The following NHEJ1 variants were observed in gnomAD, a reference collection of about 807,000 sequenced individuals.
NHEJ1 encodes the protein non-homologous end-joining factor 1.
A neutral mutation model predicts 39.4 loss-of-function variants in NHEJ1; 22 were observed. The observed-to-expected ratio is 0.56, with a 90% CI of 0.40 to 0.80. The LOEUF (loss-of-function observed/expected upper bound fraction) is 0.80. Ranked by LOEUF, NHEJ1 falls within the 30% of genes least tolerant of loss-of-function variation. The pLI is 0.00. For missense variants in NHEJ1, 329 were observed against 357.1 expected, an observed-to-expected ratio of 0.92 and a Z score of 0.63; for synonymous variants, 154 against 135.6, an observed-to-expected ratio of 1.14 and a Z score of -0.94.
chr2:219,080,620 T>C (rs1949055715), intron 5 of NHEJ1, among the ~76,000 whole-genome samples: 2 of 119,122 alleles, frequency 1.7e-5, no homozygotes, highest in African/African-American at 3.2e-5. Flanking sequence ...TAAGCTTATA[T>C]ATATGCTAAT....
rs78661802 is a variant in NHEJ1 at position 219,113,742 on chromosome 2, C to A, written c.588+32938G>T. The stretch of plus-strand genomic sequence containing the variant: ...GGCCTTACCTGTATGAGCCTAAGAT[C>A]CTTGGCAAACCTATTAAGCTACAGC... On this transcript the variant is annotated intron_variant, in intron 5 of 7. Transcript: ENST00000356853. 5.6e-4 allele frequency among the ~76,000 whole-genome samples: 85 copies of A among 152,266 alleles called. No individual in the cohort carries two copies. In the East Asian group the frequency reaches 0.015, roughly 27 times the overall value.
Position 219,078,137 on chromosome 2 carries a change from C to A in NHEJ1, c.658G>T (p.Ala220Ser). ...ACTTGGACCTCTTGTGTGGTGACTG[C>A]CATATACAGATCCTGCAGATTCATG... ...FVMNLQDLYM[A>S]VTTQEVQVGQ... Residue 220 changes from alanine (A) to serine (S), a missense_variant, in exon 6 of 8, where the codon GCA (alanine) becomes TCA (serine). Physicochemically the swap from Ala to Ser is moderately conservative, Grantham distance 99. Transcript: ENST00000356853. 6.2e-7 allele frequency: 1 copy of A among 1,614,164 alleles called. No individual in the cohort carries two copies. The highest frequency in any genetic ancestry group is 8.5e-7 in the Non-Finnish European group (1 of 1,180,028).
intron 3 of NHEJ1, 113 bp from the exon 4 acceptor site, chr2:219,147,908 G>T: frequency 1.9e-6 from 2 of 1,059,648 alleles, no homozygotes; most frequent in African/African-American, 1.6e-5. Flanking sequence ...GAAACTTATA[G>T]TTTCATAGGC....
rs1232394303 is a variant in NHEJ1, at chr2:219,120,612, T to A, written c.588+26068A>T. On this transcript the variant is annotated intron_variant, in intron 5 of 7. Coordinates refer to ENST00000356853, the MANE Select transcript of NHEJ1 (RefSeq NM_024782.3). Reference sequence around the variant, plus strand: ...TTCCTCAGACCTCAAGATTTACAGGTCTTTGTAGAAAGAATGAAGAAGAGG... The same window carrying A: ...TTCCTCAGACCTCAAGATTTACAGGACTTTGTAGAAAGAATGAAGAAGAGG... Among the ~76,000 whole-genome samples the A allele has an allele frequency of 2.0e-5, 3 of 152,126 alleles. No individual in the cohort carries two copies. In the East Asian group the frequency reaches 5.8e-4, roughly 29 times the overall value.
chr2:219,108,779 T>C (rs1320952168), intron 5 of NHEJ1, among the ~76,000 whole-genome samples: 1 of 152,118 alleles, frequency 6.6e-6, no homozygotes, highest in African/African-American at 2.4e-5. Flanking sequence ...GACCCTTTTT[T>C]GGCATATGAG....
chr2:219,078,191 A>G lies in NHEJ1; in HGVS notation c.604T>C (p.Cys202Arg). The change falls in exon 6 of 8, where the codon TGC (cysteine) becomes CGC (arginine). Residue 202 changes from cysteine (C) to arginine (R), a missense_variant. Cys to Arg is a radical substitution (Grantham distance 180). Coordinates refer to ENST00000356853, the MANE Select transcript of NHEJ1 (RefSeq NM_024782.3). ...QFMIEKLPEACSIGDGKPFVM... is the reference protein window; with the variant it reads ...QFMIEKLPEARSIGDGKPFVM... ...AAGGGCTTTCCATCACCAATGCTGC[A>G]TGCCTCTGGCAGTTTCTGTAAGAGA... 2 of 1,614,072 alleles carry G rather than the reference A, an allele frequency of 1.2e-6. No homozygotes were observed. Among genetic ancestry groups the G allele is most frequent in the Non-Finnish European group, 1.7e-6 (2 of 1,179,954 alleles).
At chr2:219,134,280 A>T (rs1949604618) in intron 5 of NHEJ1, among the ~76,000 whole-genome samples, 1 of 152,270 alleles carries the variant, frequency 6.6e-6, no homozygotes, top group Non-Finnish European at 1.5e-5. Flanking sequence ...TGGGTAAATC[A>T]ACGGGATGGC....
chr2:219,130,211 A>C (rs1282500758), intron 5 of NHEJ1, among the ~76,000 whole-genome samples: 1 of 152,122 alleles, frequency 6.6e-6, no homozygotes, highest in Non-Finnish European at 1.5e-5. Context: ...CTCACTTTTT[A>C]TATCTAGAGA....
intron 5 of NHEJ1, among the ~76,000 whole-genome samples, chr2:219,105,944 A>G (rs1266451335): frequency 1.3e-5 from 2 of 152,222 alleles, no homozygotes; most frequent in Non-Finnish European, 2.9e-5. Flanking sequence ...TTTCAGTTTC[A>G]GTTTTCCTTG....
chr2:219,126,688 A>G (rs1016635434), intron 5 of NHEJ1, among the ~76,000 whole-genome samples: 1 of 152,032 alleles, frequency 6.6e-6, no homozygotes, highest in Non-Finnish European at 1.5e-5. Flanking sequence ...ACCAGTAATT[A>G]TAGTACAGTG....
chr2:219,120,620 G>A (rs1949462415), intron 5 of NHEJ1, among the ~76,000 whole-genome samples: 1 of 152,172 alleles, frequency 6.6e-6, no homozygotes, highest in Non-Finnish European at 1.5e-5. Context: ...GGTCTTTGTA[G>A]AAAGAATGAA....
At chr2:219,107,298 G>A (rs1225358081) in intron 5 of NHEJ1, among the ~76,000 whole-genome samples, 1 of 152,102 alleles carries the variant, frequency 6.6e-6, no homozygotes, top group African/African-American at 2.4e-5. Context: ...AATAGAAATC[G>A]ATTGATTGAA....
chr2:219,082,211 C>A (rs1463870739), intron 5 of NHEJ1, among the ~76,000 whole-genome samples: 2 of 152,242 alleles, frequency 1.3e-5, no homozygotes, highest in Non-Finnish European at 2.9e-5. Flanking sequence ...ATTACTCTCC[C>A]ATCTCCAATG....
chr2:219,073,103 T>C lies in NHEJ1; in HGVS notation c.*3278A>G, dbSNP rs1321175533. The stretch of plus-strand genomic sequence containing the variant: ...CAGTAGGGCTGAGTATCAAGAGATG[T>C]GAGCATCTCTCCTTCCCCCAGTGCT... On this transcript the variant is annotated 3_prime_UTR_variant, in exon 8 of 8. Transcript: ENST00000356853. 2.0e-5 allele frequency among the ~76,000 whole-genome samples: 3 copies of C among 152,166 alleles called. No individual in the cohort carries two copies. Among genetic ancestry groups the C allele is most frequent in the African/African-American group, 7.2e-5 (3 of 41,444 alleles).
At chr2:219,097,204 T>C (rs1395190659) in intron 5 of NHEJ1, among the ~76,000 whole-genome samples, 3 of 152,226 alleles carry the variant, frequency 2.0e-5, no homozygotes, top group South Asian at 4.1e-4. Flanking sequence ...TTTCAACTTA[T>C]GATATTTTAA....
intron 1 of NHEJ1, among the ~76,000 whole-genome samples, chr2:219,159,590 T>TATATATGCATATATATGC (rs1559206421): frequency 2.9e-5 from 3 of 102,204 alleles, no homozygotes; most frequent in Non-Finnish European, 6.1e-5. Flanking sequence ...TATATATGCA[T>TATATATGCATATATATGC]ATATATATAT....
At chr2:219,090,668 T>C (rs1949152537) in intron 5 of NHEJ1, among the ~76,000 whole-genome samples, 1 of 152,136 alleles carries the variant, frequency 6.6e-6, no homozygotes, top group Admixed American at 6.5e-5. Context: ...AAGCTGGATA[T>C]GTAAGGAACA....
rs1250811194 is a variant in NHEJ1 at position 219,158,260 on chromosome 2, C to T, written c.103G>A (p.Ala35Thr). 6.2e-7 allele frequency: 1 copy of T among 1,614,222 alleles called. No homozygotes were observed. The highest frequency in any genetic ancestry group is 8.5e-7 in the Non-Finnish European group (1 of 1,180,034). The change falls in exon 2 of 8, where the codon GCC becomes ACC. Residue 35 changes from alanine (A) to threonine (T), a missense_variant. Physicochemically the swap from Ala to Thr is moderately conservative, Grantham distance 58 (BLOSUM62 0). Transcript: ENST00000356853. ...TGTTGAAGATCTGAAACCAACAAGG[C>T]ATAGCCCTGCTTGGTGATAAAAACC... is the stretch of plus-strand genomic sequence containing the variant. ...AKVFITKQGY[A>T]LLVSDLQQVW... is the part of the protein sequence containing the mutation.
intron 5 of NHEJ1, among the ~76,000 whole-genome samples, chr2:219,084,298 C>T (rs570409893): frequency 1.7e-4 from 26 of 152,332 alleles, no homozygotes; most frequent in African/African-American, 5.3e-4. Context: ...TGAGCCACCA[C>T]GCTTGGTTCT....
Sources: gnomAD v4.1 joint callset for allele counts (sites outside exome capture counted in the v4.1 genomes callset) on GRCh38, gnomAD v4.1.1 for gene constraint, MANE v1.5 for transcripts, NCBI Gene and HGNC (gene_info 2026-07-23, HGNC 2026-07-21) for gene names.